Variants in AKR1C3 observed in about 807,000 individuals in gnomAD.
The protein encoded by AKR1C3 is aldo-keto reductase family 1 member C3.
A neutral mutation model predicts 43.6 loss-of-function variants in AKR1C3; 48 were observed. The observed-to-expected ratio is 1.10, with a 90% CI of 0.87 to 1.40. The LOEUF (loss-of-function observed/expected upper bound fraction) is 1.40. Ranked by LOEUF, AKR1C3 falls within the 40% of genes most tolerant of loss-of-function variation. The pLI, the probability that AKR1C3 is intolerant of heterozygous loss-of-function variation, is 0.00. For missense variants in AKR1C3, 482 were observed against 391.2 expected, an observed-to-expected ratio of 1.23 and a Z score of -1.96; for synonymous variants, 162 against 139.6, an observed-to-expected ratio of 1.16 and a Z score of -1.13.
At chr10:5,088,303 G>A (rs753379577) in intron 1 of AKR1C3, among the ~76,000 whole-genome samples, 2 of 152,052 alleles carry the variant, frequency 1.3e-5, no homozygotes, top group Non-Finnish European at 2.9e-5. Context: ...GTAGTTGTTA[G>A]GTAGAATGTT....
intron 1 of AKR1C3, among the ~76,000 whole-genome samples, chr10:5,063,991 G>A (rs1294149432): frequency 6.6e-6 from 1 of 152,056 alleles, no homozygotes; most frequent in African/African-American, 2.4e-5. Flanking sequence ...GTCATTTCAG[G>A]AATGTTTACA....
chr10:5,102,010 G>GATT, intron 5 of AKR1C3, 91 bp from the exon 6 acceptor site: 1 of 810,124 alleles, frequency 1.2e-6, no homozygotes, highest in Non-Finnish European at 2.1e-6. Flanking sequence ...ATGCTATACT[G>GATT]ATTATTATTC....
intron 1 of AKR1C3, among the ~76,000 whole-genome samples, chr10:5,058,404 G>C (rs1323483225): frequency 1.3e-5 from 2 of 152,198 alleles, no homozygotes; most frequent in Admixed American, 1.3e-4. Context: ...TTGGGGCCAA[G>C]CTGTAGTGCA....
upstream of AKR1C3, among the ~76,000 whole-genome samples, chr10:5,092,563 C>G (rs1215745790): frequency 6.6e-6 from 1 of 150,868 alleles, no homozygotes; most frequent in East Asian, 2.0e-4. Context: ...TCATTCTGCT[C>G]AAATTGCTGT....
chr10:5,051,971 C>T (rs1401300010), intron 1 of AKR1C3, among the ~76,000 whole-genome samples: 2 of 152,132 alleles, frequency 1.3e-5, no homozygotes, highest in African/African-American at 2.4e-5. Context: ...AAGTTAGGAT[C>T]GGGGGTGGTG....
chr10:5,105,618 A>G lies in AKR1C3; in HGVS notation c.870A>G (p.Ala290=), dbSNP rs782111778. The change falls in exon 8 of 9, where the codon GCA becomes GCG. Residue 290 remains alanine (A), a synonymous_variant. Transcript: ENST00000380554. ...NVQVFEFQLT[A]EDMKAIDGLD... ...AGGTTTTTGAGTTCCAGTTGACTGC[A>G]GAGGACATGAAAGCCATAGATGGCC... is the stretch of plus-strand genomic sequence containing the variant. The G allele has an allele frequency of 1.9e-6, 3 of 1,613,954 alleles. No individual in the cohort carries two copies. Among genetic ancestry groups the G allele is most frequent in the Non-Finnish European group, 2.5e-6 (3 of 1,179,938 alleles).
chr10:5,093,829 T>A (rs1236120830), upstream of AKR1C3: 3 of 152,190 alleles, frequency 2.0e-5, no homozygotes, highest in African/African-American at 7.2e-5. Context: ...GGACTGCATC[T>A]TCTTCAGAAA....
chr10:5,073,192 G>C (rs1020737821), intron 1 of AKR1C3, among the ~76,000 whole-genome samples: 1 of 152,114 alleles, frequency 6.6e-6, no homozygotes, highest in African/African-American at 2.4e-5. Context: ...TCGAACCCTT[G>C]TCCTCATGAT....
intron 1 of AKR1C3, among the ~76,000 whole-genome samples, chr10:5,049,481 A>G (rs1838107659): frequency 6.6e-6 from 1 of 152,240 alleles, no homozygotes; most frequent in Admixed American, 6.5e-5. Context: ...TTAAGAGAAA[A>G]GAAAAAACGA....
chr10:5,095,860 AT>A lies in AKR1C3; in HGVS notation c.85-549del, dbSNP rs575590363. Among the ~76,000 whole-genome samples, 1,486 of 152,214 alleles carry A rather than the reference AT, an allele frequency of 9.8e-3. 22 individuals carry two copies. Among genetic ancestry groups the A allele is most frequent in the African/African-American group, 0.034 (1,415 of 41,546 alleles). On this transcript the variant is annotated intron_variant, in intron 1 of 8. Transcript: ENST00000380554. ...AGAATGACTATGCAGAAAAGACTTA[AT>A]AGACTACTATTCACAGATGCTTTAT...
chr10:5,102,046 T>A (rs1176775751), intron 5 of AKR1C3, 55 bp from the exon 6 acceptor site: 39 of 1,118,540 alleles, frequency 3.5e-5, no homozygotes, highest in Non-Finnish European at 4.9e-5. Flanking sequence ...ATCTTTTCAA[T>A]ATTAACATAA....
At chr10:5,102,241 CCTT>C in intron 6 of AKR1C3, 31 bp downstream of exon 6, 1 of 1,598,402 alleles carries the variant, frequency 6.3e-7, no homozygotes. Context: ...TTTACATAAA[CCTT>C]CATTTTGCAG....
At chr10:5,099,734 T>C (rs1432794628) in intron 5 of AKR1C3, 1 of 422,962 alleles carries the variant, frequency 2.4e-6, no homozygotes. Context: ...CAAGGAAAGG[T>C]GGACTTACCT....
chr10:5,052,057 T>C (rs1403893506), intron 1 of AKR1C3, among the ~76,000 whole-genome samples: 1 of 152,166 alleles, frequency 6.6e-6, no homozygotes, highest in Non-Finnish European at 1.5e-5. Flanking sequence ...TTACAGTTCT[T>C]AAAGGCAGCG....
chr10:5,096,161 C>G lies in AKR1C3; in HGVS notation c.85-249C>G, dbSNP rs1554785081. The stretch of plus-strand genomic sequence containing the variant: ...TCATGTTAACTTTTCCAACAAATCA[C>G]TGAATCTGAGGGTGTTATTTGGTAC... On this transcript the variant is annotated intron_variant, in intron 1 of 8. Coordinates refer to ENST00000380554, the MANE Select transcript of AKR1C3 (RefSeq NM_003739.6). 1.4e-5 allele frequency: 5 copies of G among 365,168 alleles called. No individual in the cohort carries two copies. In the South Asian group the frequency reaches 2.0e-4, roughly 15 times the overall value. The allele number at this position is 365,168 out of a possible 1,614,324, so 22.6% of individuals were successfully genotyped here.
At chr10:5,085,849 T>C (rs1188189812) in intron 1 of AKR1C3, among the ~76,000 whole-genome samples, 1 of 151,956 alleles carries the variant, frequency 6.6e-6, no homozygotes, top group East Asian at 1.9e-4. Flanking sequence ...CTAGATTTTC[T>C]AGTTTATTTG....
chr10:5,101,386 A>T (rs1414468941), intron 5 of AKR1C3, among the ~76,000 whole-genome samples: 1 of 152,124 alleles, frequency 6.6e-6, no homozygotes, highest in East Asian at 1.9e-4. Flanking sequence ...AACCTTATTT[A>T]ACTATTCTTA....
At chr10:5,094,318 C>A, upstream of AKR1C3, 3 of 1,099,228 alleles carry the variant, frequency 2.7e-6, no homozygotes, top group Non-Finnish European at 3.9e-6. Context: ...TGTACCTCCT[C>A]CTACATGCCA....
chr10:5,061,671 C>T (rs1838386238), intron 1 of AKR1C3, among the ~76,000 whole-genome samples: 1 of 152,140 alleles, frequency 6.6e-6, no homozygotes. Context: ...CTCTGATGCC[C>T]AATTACAGTA....
Sources: gnomAD v4.1 joint callset for allele counts (sites outside exome capture counted in the v4.1 genomes callset) on GRCh38, gnomAD v4.1.1 for gene constraint, MANE v1.5 for transcripts, NCBI Gene and HGNC (gene_info 2026-07-23, HGNC 2026-07-21) for gene names.